MAP4K3: variants seen among roughly 807,000 people sequenced by gnomAD.
MAP4K3 encodes the protein mitogen-activated protein kinase kinase kinase kinase 3.
A neutral mutation model predicts 143.5 loss-of-function variants in MAP4K3; 94 were observed. The ratio of observed to expected loss-of-function variants is 0.65; its 90% CI spans 0.55 to 0.78. The LOEUF (loss-of-function observed/expected upper bound fraction) is 0.78. MAP4K3 is among the 30% of genes least tolerant of loss of function. The pLI, the probability that MAP4K3 is intolerant of heterozygous loss-of-function variation, is 0.00. For synonymous variants in MAP4K3, 416 were observed against 347.2 expected, an observed-to-expected ratio of 1.20 and a Z score of -2.20; for missense variants, 1,077 against 1,068.1, an observed-to-expected ratio of 1.01 and a Z score of -0.12.
intron 1 of MAP4K3, among the ~76,000 whole-genome samples, chr2:39,399,021 G>C (rs1327610404): frequency 7.6e-6 from 1 of 131,370 alleles, no homozygotes; most frequent in East Asian, 2.2e-4. Context: ...TCCAGCCTGA[G>C]ACAAAGCAAG....
intron 32 of MAP4K3, among the ~76,000 whole-genome samples, chr2:39,253,912 AG>A (rs755708631): frequency 1.3e-5 from 2 of 152,224 alleles, no homozygotes; most frequent in Non-Finnish European, 2.9e-5. Flanking sequence ...TCTGTGAGGT[AG>A]GAAGGATTCA....
chr2:39,436,534 T>C, intron 1 of MAP4K3: 1 of 247,130 alleles, frequency 4.0e-6, no homozygotes, highest in Non-Finnish European at 8.0e-6. Flanking sequence ...AGACCCCTGC[T>C]GTCCGGTTCG....
At chr2:39,369,205 G>GTTTTTTTTTGTTATT (rs68013609) in intron 2 of MAP4K3, among the ~76,000 whole-genome samples, 1 of 125,380 alleles carries the variant, frequency 8.0e-6, no homozygotes, top group Non-Finnish European at 1.6e-5. Context: ...TTTTTTTTTT[G>GTTTTTTTTTGTTATT]TTTTTTTTGA....
intron 26 of MAP4K3, among the ~76,000 whole-genome samples, chr2:39,268,063 T>C (rs189331459): frequency 1.8e-3 from 272 of 152,232 alleles, no homozygotes; most frequent in African/African-American, 6.2e-3. Context: ...TGTGAAGAAT[T>C]TCTTTTTTAG....
chr2:39,308,766 G>C (rs1302717503), intron 14 of MAP4K3, among the ~76,000 whole-genome samples: 1 of 151,854 alleles, frequency 6.6e-6, no homozygotes, highest in Non-Finnish European at 1.5e-5. Context: ...AACAACAAAA[G>C]AATCATGCAA....
intron 1 of MAP4K3, among the ~76,000 whole-genome samples, chr2:39,379,335 G>A (rs971012828): frequency 1.3e-5 from 2 of 151,926 alleles, no homozygotes; most frequent in Admixed American, 1.3e-4. Context: ...AATTTGCAGG[G>A]AAAATTCATT....
intron 29 of MAP4K3, among the ~76,000 whole-genome samples, chr2:39,259,205 C>T (rs1311313650): frequency 6.6e-6 from 1 of 151,982 alleles, no homozygotes; most frequent in Non-Finnish European, 1.5e-5. Flanking sequence ...ATCGCCTAGG[C>T]TGAGGTTTGT....
At chr2:39,304,723 C>T (rs987661379) in intron 15 of MAP4K3, among the ~76,000 whole-genome samples, 7 of 152,098 alleles carry the variant, frequency 4.6e-5, no homozygotes, top group African/African-American at 1.2e-4. Flanking sequence ...TCAAAAGAAT[C>T]GAAAGCAGGG....
intron 12 of MAP4K3, among the ~76,000 whole-genome samples, chr2:39,322,992 A>C (rs1324989163): frequency 2.0e-5 from 3 of 152,096 alleles, no homozygotes; most frequent in African/African-American, 7.2e-5. Context: ...GTATGCATAC[A>C]ATAGTTCTAG....
chr2:39,345,644 A>G (rs1161274731), intron 3 of MAP4K3, among the ~76,000 whole-genome samples: 1 of 152,018 alleles, frequency 6.6e-6, no homozygotes, highest in East Asian at 1.9e-4. Flanking sequence ...AGTGGGCCAG[A>G]TGCAGTGGCT....
At chr2:39,297,883 T>G (rs1280165729) in intron 16 of MAP4K3, among the ~76,000 whole-genome samples, 1 of 152,188 alleles carries the variant, frequency 6.6e-6, no homozygotes, top group Non-Finnish European at 1.5e-5. Flanking sequence ...AAATGAAGGT[T>G]GGGCAAATTA....
chr2:39,374,189 A>C (rs6544222), intron 2 of MAP4K3, among the ~76,000 whole-genome samples: 134,163 of 152,046 alleles, frequency 0.88, 59,374 homozygotes, highest in Non-Finnish European at 0.91. Flanking sequence ...TGAGGCCATC[A>C]TGGCCAACAG....
Position 39,299,856 on chromosome 2 carries a change from T to A in MAP4K3, c.1120-55A>T, listed in dbSNP as rs190744941. 4.5e-4 allele frequency: 337 copies of A among 748,312 alleles called. 2 individuals carry two copies. The East Asian group carries it at 9.0e-3, about 20-fold the overall frequency. The allele number at this position is 748,312 out of a possible 1,614,324, so 46.4% of individuals were successfully genotyped here. ...AATAGTAGTATATGACACACCATGATACATTAATATATATAATACATATTA... is the reference window on the plus strand; with the variant it reads ...AATAGTAGTATATGACACACCATGAAACATTAATATATATAATACATATTA... On this transcript the variant is annotated intron_variant, in intron 15 of 33. Coordinates refer to ENST00000263881, the MANE Select transcript of MAP4K3 (RefSeq NM_003618.4).
At chr2:39,416,362 A>G (rs1003555642) in intron 1 of MAP4K3, among the ~76,000 whole-genome samples, 15 of 152,172 alleles carry the variant, frequency 9.9e-5, no homozygotes, top group African/African-American at 3.4e-4. Flanking sequence ...TCGGCAGCCA[A>G]TAAAACGCCT....
chr2:39,363,992 T>TAAAAAAAAAAA (rs70957104), intron 2 of MAP4K3, among the ~76,000 whole-genome samples: 8 of 129,112 alleles, frequency 6.2e-5, no homozygotes, highest in African/African-American at 6.1e-5. Context: ...ATAGCCATTA[T>TAAAAAAAAAAA]AAAAAAAAAA....
intron 2 of MAP4K3, among the ~76,000 whole-genome samples, chr2:39,372,007 T>C (rs1490798771): frequency 1.3e-5 from 2 of 151,518 alleles, no homozygotes; most frequent in East Asian, 1.9e-4. Flanking sequence ...ATTATCCTTG[T>C]TTGCAGATTA....
At chr2:39,323,715 A>G (rs1264354499) in intron 12 of MAP4K3, 1 of 152,148 alleles carries the variant, frequency 6.6e-6, no homozygotes, top group Non-Finnish European at 1.5e-5. Context: ...GCTCTGTGTC[A>G]CAGACACATG....
intron 24 of MAP4K3, among the ~76,000 whole-genome samples, chr2:39,272,948 G>C (rs1681092510): frequency 6.6e-6 from 1 of 151,798 alleles, no homozygotes; most frequent in Non-Finnish European, 1.5e-5. Context: ...TAGGGTGTAT[G>C]ATACAGGAAA....
chr2:39,277,772 G>C (rs1421976426), intron 24 of MAP4K3, among the ~76,000 whole-genome samples: 1 of 151,458 alleles, frequency 6.6e-6, no homozygotes, highest in Non-Finnish European at 1.5e-5. Context: ...CACCATGTTG[G>C]CCAGGCTGGT....
Sources: gnomAD v4.1 joint callset for allele counts (sites outside exome capture counted in the v4.1 genomes callset) on GRCh38, gnomAD v4.1.1 for gene constraint, MANE v1.5 for transcripts, NCBI Gene and HGNC (gene_info 2026-07-23, HGNC 2026-07-21) for gene names.